The following PNKD variants were observed in gnomAD, a reference collection of about 807,000 sequenced individuals.
The protein encoded by PNKD is probable thioesterase PNKD.
Under a neutral mutation model 45.3 loss-of-function variants are expected in PNKD, and 36 were observed. That is an observed-to-expected ratio of 0.80 (90% CI 0.61 to 1.05). The LOEUF is 1.05. Ranked by LOEUF, PNKD falls within the 50% of genes least tolerant of loss-of-function variation. The probability of loss-of-function intolerance (pLI) is 0.00; values close to 1 mark genes in which losing one functional copy is unlikely to be tolerated. For missense variants in PNKD, 511 were observed against 506.6 expected, an observed-to-expected ratio of 1.01 and a Z score of -0.08; for synonymous variants, 197 against 210.1, an observed-to-expected ratio of 0.94 and a Z score of 0.54.
In PNKD at chr2:218,336,299, C is replaced by T. The variant is rs192540552; in HGVS notation, c.237-3484C>T. ...TTTCTTCTACAATCTCTATTTTGACCTGTGATGTTTTTAATTTGCTATTTA... is the reference window on the plus strand; with the variant it reads ...TTTCTTCTACAATCTCTATTTTGACTTGTGATGTTTTTAATTTGCTATTTA... On this transcript the variant is annotated intron_variant, in intron 2 of 9. Coordinates refer to ENST00000273077, the MANE Select transcript of PNKD (RefSeq NM_015488.5). 4.0e-5 allele frequency among the ~76,000 whole-genome samples: 6 copies of T among 151,400 alleles called. No homozygotes were observed. The East Asian group carries it at 5.8e-4, about 15-fold the overall frequency.
intron 2 of PNKD, among the ~76,000 whole-genome samples, chr2:218,324,341 G>A (rs915743753): frequency 6.6e-6 from 1 of 152,226 alleles, no homozygotes; most frequent in Non-Finnish European, 1.5e-5. Flanking sequence ...GTTGTGGGGA[G>A]AGCCTAAGCC....
chr2:218,281,404 T>A (rs1436232951), intron 2 of PNKD, among the ~76,000 whole-genome samples: 2 of 152,248 alleles, frequency 1.3e-5, no homozygotes, highest in Non-Finnish European at 2.9e-5. Flanking sequence ...CCCAGAGTGC[T>A]GGGATTACAG....
intron 2 of PNKD, among the ~76,000 whole-genome samples, chr2:218,336,788 C>CTTTTTTT (rs71064439): frequency 6.9e-5 from 2 of 29,158 alleles, no homozygotes; most frequent in Non-Finnish European, 6.6e-5. Context: ...GCCTTCAATT[C>CTTTTTTT]TTTTTTTTTT....
At chr2:218,274,129 G>C (rs973472760) in intron 2 of PNKD, 9 of 154,962 alleles carry the variant, frequency 5.8e-5, no homozygotes, top group Non-Finnish European at 1.0e-4. Context: ...GACAGCCCAA[G>C]CCAGAATGCA....
At chr2:218,301,313 G>C (rs757327143) in intron 2 of PNKD, among the ~76,000 whole-genome samples, 1 of 152,192 alleles carries the variant, frequency 6.6e-6, no homozygotes, top group Non-Finnish European at 1.5e-5. Flanking sequence ...TCAGGGTCTA[G>C]ATCGTAATTC....
Position 218,293,924 on chromosome 2 carries a change from AT to A in PNKD, c.236+22378del, listed in dbSNP as rs1395679826. ...CACCACGTCCAGCCCCAAAACAGAG[AT>A]TTAAAAAAAAAAAAAAAAAAAAAAG... On this transcript the variant is annotated intron_variant, in intron 2 of 9. Coordinates refer to ENST00000273077, the MANE Select transcript of PNKD (RefSeq NM_015488.5). 2.7e-4 allele frequency among the ~76,000 whole-genome samples: 27 copies of A among 99,224 alleles called. No homozygotes were observed. The South Asian group carries it at 4.4e-3, about 16-fold the overall frequency. The allele number at this position is 99,224 out of a possible 152,430, so 65.1% of individuals were successfully genotyped here.
In PNKD at chr2:218,341,604, G is replaced by A. The variant is rs1694679310; in HGVS notation, c.595G>A (p.Asp199Asn). 1 of 1,586,086 alleles carries A rather than the reference G, an allele frequency of 6.3e-7. No individual in the cohort carries two copies. The highest frequency in any genetic ancestry group is 8.6e-7 in the Non-Finnish European group (1 of 1,165,954). Reference sequence around the variant, plus strand: ...CTGTCGGGTGTACGGGAGCCCTCAGGACGGCATCCCCTACCTCACCCAGTA... The same window carrying A: ...CTGTCGGGTGTACGGGAGCCCTCAGAACGGCATCCCCTACCTCACCCAGTA... Reference protein sequence around the residue: ...RDCRVYGSPQDGIPYLTHPLC... With the variant: ...RDCRVYGSPQNGIPYLTHPLC... Residue 199 changes from aspartate to asparagine, a missense_variant, in exon 6 of 10, where the codon GAC becomes AAC. Transcript: ENST00000273077.
At chr2:218,344,644 C>T in intron 9 of PNKD, 74 bp downstream of exon 9, 4 of 1,435,492 alleles carry the variant, frequency 2.8e-6, no homozygotes, top group Non-Finnish European at 3.9e-6. Context: ...CCATGCTGAC[C>T]CCAGGCCTGC....
intron 2 of PNKD, among the ~76,000 whole-genome samples, chr2:218,291,045 G>A (rs1692896923): frequency 6.6e-6 from 1 of 152,190 alleles, no homozygotes; most frequent in Admixed American, 6.5e-5. Context: ...GCCTGCGGTT[G>A]GAGGTGCTCT....
intron 2 of PNKD, among the ~76,000 whole-genome samples, chr2:218,316,445 A>G (rs972572066): frequency 6.6e-6 from 1 of 151,626 alleles, no homozygotes; most frequent in Admixed American, 6.6e-5. Flanking sequence ...AATTTTTTGT[A>G]TTTTTAGTAG....
chr2:218,320,032 C>T (rs1469081705), intron 2 of PNKD, among the ~76,000 whole-genome samples: 3 of 152,170 alleles, frequency 2.0e-5, no homozygotes, highest in African/African-American at 7.2e-5. Flanking sequence ...GTGGCTGGTC[C>T]GTGGTGACAA....
chr2:218,340,883 C>A lies in PNKD; in HGVS notation c.524+97C>A. ...CGGCCGGGGCCAGAGATCAAGAAGTCAGTACGGGCCGGCACCCGCCTTCCT... is the reference window on the plus strand; with the variant it reads ...CGGCCGGGGCCAGAGATCAAGAAGTAAGTACGGGCCGGCACCCGCCTTCCT... On this transcript the variant is annotated intron_variant, in intron 5 of 9. Transcript: ENST00000273077. The surrounding 1 kb of genome is among the most constrained non-coding windows in gnomAD (Gnocchi z 4.2). 9.9e-7 allele frequency: 1 copy of A among 1,011,008 alleles called. No homozygotes were observed. Among genetic ancestry groups the A allele is most frequent in the Non-Finnish European group, 1.6e-6 (1 of 633,114 alleles). The allele number at this position is 1,011,008 out of a possible 1,614,324, so 62.6% of individuals were successfully genotyped here.
intron 2 of PNKD, among the ~76,000 whole-genome samples, chr2:218,283,836 G>A (rs1300411361): frequency 1.3e-5 from 2 of 152,060 alleles, no homozygotes; most frequent in Non-Finnish European, 1.5e-5. Flanking sequence ...CTCCCTAGAG[G>A]GGCTGGGATA....
At chr2:218,276,083 G>C (rs1691176043) in intron 2 of PNKD, 1 of 1,612,750 alleles carries the variant, frequency 6.2e-7, no homozygotes, top group African/African-American at 1.3e-5. Flanking sequence ...AGTAAACCTG[G>C]AGAAGAAGGG....
intron 2 of PNKD, chr2:218,323,205 C>T (rs1474598135): frequency 1.4e-6 from 2 of 1,393,140 alleles, no homozygotes; most frequent in Admixed American, 3.4e-5. Flanking sequence ...CGCGGGGGGC[C>T]GGGGCCGGGC....
At chr2:218,282,545 C>G (rs999397593) in intron 2 of PNKD, among the ~76,000 whole-genome samples, 10 of 152,228 alleles carry the variant, frequency 6.6e-5, no homozygotes, top group African/African-American at 2.2e-4. Flanking sequence ...AGCGAAGAAG[C>G]CAGATGGGCC....
intron 2 of PNKD, among the ~76,000 whole-genome samples, chr2:218,305,025 A>G (rs558947002): frequency 3.3e-5 from 5 of 151,938 alleles, no homozygotes; most frequent in Non-Finnish European, 5.9e-5. Flanking sequence ...GTGAGCTGAG[A>G]TCGCGCCACT....
At chr2:218,344,617 C>A in intron 9 of PNKD, 47 bp downstream of exon 9, 1 of 1,521,662 alleles carries the variant, frequency 6.6e-7, no homozygotes, top group Non-Finnish European at 9.1e-7. Flanking sequence ...AGGCACTCAG[C>A]CCCAACGGGA....
At position 218,341,568 on chromosome 2, in the gene PNKD, C is replaced by T. The variant is rs375550686; in HGVS notation, c.559C>T (p.Arg187Trp). 3.1e-5 allele frequency: 49 copies of T among 1,602,600 alleles called. No homozygotes were observed. In the Middle Eastern group the frequency reaches 5.2e-4, roughly 17 times the overall value. ...HSGGNRDLSR[R>W]HRDCRVYGSP... ...TGGAGGGAACCGTGACCTCAGCCGG[C>T]GGCACCGGGACTGTCGGGTGTACGG... The change falls in exon 6 of 10, where the codon CGG becomes TGG. Residue 187 changes from arginine (R) to tryptophan (W), a missense_variant. Transcript: ENST00000273077.
Sources: gnomAD v4.1 joint callset for allele counts (sites outside exome capture counted in the v4.1 genomes callset) on GRCh38, gnomAD v4.1.1 for gene constraint, Gnocchi (gnomAD v3.1) non-coding constraint, MANE v1.5 for transcripts, NCBI Gene and HGNC (gene_info 2026-07-23, HGNC 2026-07-21) for gene names.